Variants in IMPACT observed in about 807,000 individuals in gnomAD.
IMPACT encodes protein IMPACT.
In IMPACT, 35 loss-of-function variants were observed where a neutral mutation model predicts 47.5. The ratio of observed to expected loss-of-function variants is 0.74; its 90% CI spans 0.56 to 0.98. The LOEUF (loss-of-function observed/expected upper bound fraction) is 0.98. IMPACT is among the 50% of genes least tolerant of loss of function. IMPACT has a pLI of 0.00. For missense variants in IMPACT, 373 were observed against 394.8 expected, an observed-to-expected ratio of 0.94 and a Z score of 0.47; for synonymous variants, 118 against 125.6, an observed-to-expected ratio of 0.94 and a Z score of 0.40.
rs995545469 is a variant in IMPACT, at chr18:24,453,228, A to G, written c.*2381A>G. The G allele has an allele frequency of 2.0e-5, 3 of 152,242 alleles. No homozygotes were observed. In the East Asian group the frequency reaches 5.8e-4, roughly 29 times the overall value. The allele number at this position is 152,242 out of a possible 1,614,324, so 9.4% of individuals were successfully genotyped here. On this transcript the variant is annotated 3_prime_UTR_variant, in exon 11 of 11. Coordinates refer to ENST00000284202, the MANE Select transcript of IMPACT (RefSeq NM_018439.4). ...ACAGAGCCTTTCTGAAGAGAATTAT[A>G]TCAAACTAATTACAACCAAGAAATA... is the stretch of plus-strand genomic sequence containing the variant.
chr18:24,428,914 C>G lies in IMPACT; in HGVS notation c.211C>G (p.Gln71Glu), dbSNP rs767506515. Reference protein sequence around the residue: ...EYPGTAPPIYQLNAPWLKGQE... With the variant: ...EYPGTAPPIYELNAPWLKGQE... Reference sequence around the variant, plus strand: ...CCCAGGTACAGCTCCACCTATCTACCAGTTGAAGTAAGCTGTATTTCTACG... The same window carrying G: ...CCCAGGTACAGCTCCACCTATCTACGAGTTGAAGTAAGCTGTATTTCTACG... Residue 71 changes from glutamine to glutamate, a missense_variant, in exon 3 of 11, where the codon CAG becomes GAG. Physicochemically the swap from Gln to Glu is conservative, Grantham distance 29. Coordinates refer to ENST00000284202, the MANE Select transcript of IMPACT (RefSeq NM_018439.4). 1 of 1,606,240 alleles carries G rather than the reference C, an allele frequency of 6.2e-7. No individual in the cohort carries two copies. The highest frequency in any genetic ancestry group is 2.2e-5 in the East Asian group (1 of 44,720).
chr18:24,431,859 G>A (rs919626010), intron 4 of IMPACT, among the ~76,000 whole-genome samples: 3 of 152,038 alleles, frequency 2.0e-5, no homozygotes, highest in Non-Finnish European at 4.4e-5. Flanking sequence ...CCGCCACCAC[G>A]CACAGCCAAT....
chr18:24,444,789 A>G (rs761791160), intron 7 of IMPACT, among the ~76,000 whole-genome samples: 28 of 152,246 alleles, frequency 1.8e-4, no homozygotes, highest in Admixed American at 1.3e-3. Flanking sequence ...CTTGTCGTTT[A>G]TCTGAAATTC....
At chr18:24,438,188 T>C (rs1473603140) in intron 5 of IMPACT, 148 bp downstream of exon 5, 12 of 522,700 alleles carry the variant, frequency 2.3e-5, no homozygotes, top group African/African-American at 1.8e-4. Context: ...AAAAGTTTAA[T>C]TGCTCATGTA....
chr18:24,450,826 CAAG>C lies in IMPACT; in HGVS notation c.947_949del (p.Lys316del), dbSNP rs1159612970. ...GAAAGAACAAAAAAGTAAGAAAAGA[CAAG>C]AAGAGGAATGAACATTAATACCTGA... is the stretch of plus-strand genomic sequence containing the variant. On this transcript the variant is annotated inframe_deletion, in exon 11 of 11. Coordinates refer to ENST00000284202, the MANE Select transcript of IMPACT (RefSeq NM_018439.4). The C allele has an allele frequency of 4.4e-6, 7 of 1,606,160 alleles. No homozygotes were observed. The highest frequency in any genetic ancestry group is 2.7e-5 in the African/African-American group (2 of 74,654).
intron 8 of IMPACT, among the ~76,000 whole-genome samples, chr18:24,446,552 C>G (rs552701545): frequency 5.9e-5 from 9 of 152,218 alleles, no homozygotes; most frequent in Non-Finnish European, 8.8e-5. Context: ...TAAAATAAAT[C>G]AGAACACAGG....
chr18:24,431,086 A>G (rs1908744577), intron 4 of IMPACT, among the ~76,000 whole-genome samples: 2 of 152,202 alleles, frequency 1.3e-5, no homozygotes, highest in South Asian at 4.1e-4. Context: ...CATGGCAGTT[A>G]GAATTTATGG....
chr18:24,434,085 A>G (rs535220578), intron 4 of IMPACT, among the ~76,000 whole-genome samples: 1 of 151,438 alleles, frequency 6.6e-6, no homozygotes, highest in Admixed American at 6.6e-5. Flanking sequence ...TTTGTCTGTA[A>G]TCCCAGCATT....
chr18:24,431,534 C>T (rs1908757915), intron 4 of IMPACT, among the ~76,000 whole-genome samples: 2 of 151,872 alleles, frequency 1.3e-5, no homozygotes, highest in African/African-American at 4.8e-5. Flanking sequence ...TTTTTTGAGA[C>T]AGGTTCTTGC....
intron 5 of IMPACT, among the ~76,000 whole-genome samples, chr18:24,438,593 GTGAGAT>G (rs1909008236): frequency 6.6e-6 from 1 of 152,174 alleles, no homozygotes. Flanking sequence ...CATGATTGGA[GTGAGAT>G]TAGTAGCTGG....
At chr18:24,446,966 ATAGT>A (rs1280850107) in intron 8 of IMPACT, among the ~76,000 whole-genome samples, 1 of 152,218 alleles carries the variant, frequency 6.6e-6, no homozygotes, top group Non-Finnish European at 1.5e-5. Context: ...TCAAGATCCC[ATAGT>A]TAAGTGATGG....
At chr18:24,439,996 A>G (rs972295016) in intron 5 of IMPACT, among the ~76,000 whole-genome samples, 1 of 152,100 alleles carries the variant, frequency 6.6e-6, no homozygotes, top group African/African-American at 2.4e-5. Flanking sequence ...CTTGTCAACA[A>G]TATTTATTAC....
chr18:24,435,064 C>G (rs772544972), intron 4 of IMPACT, among the ~76,000 whole-genome samples: 4 of 151,184 alleles, frequency 2.6e-5, no homozygotes, highest in Non-Finnish European at 4.4e-5. Context: ...GCCTTGACCT[C>G]CTGGGCCCAA....
At chr18:24,442,643 G>C (rs1234315622) in intron 6 of IMPACT, among the ~76,000 whole-genome samples, 3 of 152,108 alleles carry the variant, frequency 2.0e-5, no homozygotes, top group Non-Finnish European at 4.4e-5. Flanking sequence ...CCAACTCAGA[G>C]GTCTAACAAC....
rs1469061475 is a variant in IMPACT, at chr18:24,427,944, C to G, written c.62C>G (p.Ala21Gly). ...AATGAGGAAATTGAAGCAATGGCAG[C>G]CATTTATGGCGAGGAGTGGTGTGTC... ...RQNEEIEAMA[A>G]IYGEEWCVID... The change falls in exon 2 of 11, where the codon GCC becomes GGC. Residue 21 changes from alanine (A) to glycine (G), a missense_variant. Ala to Gly is a moderately conservative substitution (Grantham distance 60). Coordinates refer to ENST00000284202, the MANE Select transcript of IMPACT (RefSeq NM_018439.4). 2.5e-6 allele frequency: 4 copies of G among 1,594,118 alleles called. No homozygotes were observed. Among genetic ancestry groups the G allele is most frequent in the Non-Finnish European group, 3.4e-6 (4 of 1,174,418 alleles).
chr18:24,445,583 A>G (rs1034498381), intron 8 of IMPACT, 117 bp downstream of exon 8: 7 of 531,406 alleles, frequency 1.3e-5, no homozygotes, highest in East Asian at 3.1e-5. Flanking sequence ...AGTAATAGAC[A>G]TGGAATATTT....
chr18:24,442,764 A>C (rs528895919), intron 6 of IMPACT, among the ~76,000 whole-genome samples: 2 of 152,290 alleles, frequency 1.3e-5, no homozygotes, highest in Non-Finnish European at 2.9e-5. Context: ...TACACTACTG[A>C]CTGCAGCAGT....
intron 5 of IMPACT, chr18:24,439,648 A>G (rs894435792): frequency 1.3e-5 from 2 of 151,874 alleles, no homozygotes; most frequent in African/African-American, 4.9e-5. Context: ...AAAAAAAAAA[A>G]AAAAAAAAAA....
At chr18:24,430,050 TACAGGCATGAGCC>T (rs1379392999) in intron 3 of IMPACT, among the ~76,000 whole-genome samples, 1 of 152,166 alleles carries the variant, frequency 6.6e-6, no homozygotes, top group Non-Finnish European at 1.5e-5. Context: ...GTGCTGGGAT[TACAGGCATGAGCC>T]ACCACGCCTG....
Sources: allele counts gnomAD v4.1 joint callset (sites outside exome capture counted in the v4.1 genomes callset), GRCh38; gene constraint gnomAD v4.1.1; transcripts MANE v1.5; gene names NCBI Gene and HGNC (gene_info 2026-07-23, HGNC 2026-07-21).